SVEP1: variants seen among roughly 807,000 people sequenced by gnomAD.
The protein encoded by SVEP1 is sushi, von Willebrand factor type A, EGF and pentraxin domain containing 1.
SVEP1 carries 164 observed loss-of-function variants against 367.3 expected under a neutral mutation model. That is an observed-to-expected ratio of 0.45 (90% confidence interval 0.39 to 0.51). SVEP1 has a LOEUF of 0.51. SVEP1 is among the 20% of genes least tolerant of loss of function. The probability of loss-of-function intolerance (pLI) is 0.00; values close to 1 mark genes in which losing one functional copy is unlikely to be tolerated. For synonymous variants in SVEP1, 1,666 were observed against 1,611.6 expected (o/e 1.03, Z -0.81); for missense variants, 4,117 against 4,425.3 (o/e 0.93, Z 1.98).
intron 38 of SVEP1, 60 bp from the exon 39 acceptor site, chr9:110,404,612 T>C: frequency 6.6e-7 from 1 of 1,505,668 alleles, no homozygotes; most frequent in South Asian, 1.1e-5. Context: ...TTCTGATCTA[T>C]CCTTGGATTT....
intron 9 of SVEP1, 148 bp downstream of exon 9, chr9:110,489,502 A>G (rs1426241778): frequency 1.6e-6 from 1 of 641,406 alleles, no homozygotes; most frequent in Non-Finnish European, 2.5e-6. Context: ...TCTGAGACTT[A>G]TTCACTATCA....
rs187282927 is a variant in SVEP1 at position 110,410,820 on chromosome 9, T to C, written c.6648+243A>G. Among the ~76,000 whole-genome samples, 4 of 152,362 alleles carry C rather than the reference T, an allele frequency of 2.6e-5. 1 individual carries two copies. The highest frequency in any genetic ancestry group is 9.6e-5 in the African/African-American group (4 of 41,582). ...TGAAAGCCACAGAGCATTTGCTAAT[T>C]AGTCTCTTACCTCCAGAAAGTGATT... On this transcript the variant is annotated intron_variant, in intron 37 of 47. Coordinates refer to ENST00000374469, the MANE Select transcript of SVEP1 (RefSeq NM_153366.4).
intron 6 of SVEP1, among the ~76,000 whole-genome samples, chr9:110,500,121 T>G (rs1829510313): frequency 6.6e-6 from 1 of 152,182 alleles, no homozygotes; most frequent in African/African-American, 2.4e-5. Flanking sequence ...TACTAAACAC[T>G]CCACTATCAT....
chr9:110,448,422 A>G (rs1406166274), intron 24 of SVEP1, among the ~76,000 whole-genome samples: 1 of 152,244 alleles, frequency 6.6e-6, no homozygotes, highest in African/African-American at 2.4e-5. Context: ...CCTCTTTGAT[A>G]TTGACCTAAC....
chr9:110,501,991 C>T (rs373225962), intron 6 of SVEP1, among the ~76,000 whole-genome samples: 1 of 151,834 alleles, frequency 6.6e-6, no homozygotes, highest in East Asian at 1.9e-4. Flanking sequence ...AATTTTCTAT[C>T]TTTTTTGGTA....
At chr9:110,395,002 C>G (rs1487510929) in intron 40 of SVEP1, among the ~76,000 whole-genome samples, 3 of 152,112 alleles carry the variant, frequency 2.0e-5, no homozygotes, top group Non-Finnish European at 4.4e-5. Flanking sequence ...ATACAGAGAC[C>G]ACCACAAAGA....
At chr9:110,400,370 C>CTT (rs112666557) in intron 40 of SVEP1, among the ~76,000 whole-genome samples, 33 of 147,074 alleles carry the variant, frequency 2.2e-4, no homozygotes, top group African/African-American at 4.2e-4. Flanking sequence ...ACTTATTTTG[C>CTT]TTTTTTTTTT....
intron 7 of SVEP1, among the ~76,000 whole-genome samples, chr9:110,498,075 T>A (rs541194046): frequency 9.2e-5 from 14 of 152,348 alleles, no homozygotes; most frequent in African/African-American, 2.9e-4. Context: ...CCTGTACACA[T>A]TGCTACATTT....
At chr9:110,518,478 A>G (rs995694959) in intron 3 of SVEP1, among the ~76,000 whole-genome samples, 18 of 151,984 alleles carry the variant, frequency 1.2e-4, no homozygotes, top group Admixed American at 3.3e-4. Flanking sequence ...CTCAAATCAT[A>G]TATTTTGTTT....
intron 26 of SVEP1, 47 bp from the exon 27 acceptor site, chr9:110,443,767 G>A (rs768141731): frequency 2.7e-6 from 4 of 1,464,402 alleles, no homozygotes; most frequent in South Asian, 3.0e-5. Context: ...GCCATATGTT[G>A]CAATCCTTAC....
At chr9:110,479,143 C>T (rs1314858797) in intron 13 of SVEP1, among the ~76,000 whole-genome samples, 1 of 152,120 alleles carries the variant, frequency 6.6e-6, no homozygotes, top group Non-Finnish European at 1.5e-5. Flanking sequence ...TGGTCTCGAA[C>T]TCCTGATCTC....
intron 37 of SVEP1, 138 bp from the exon 38 acceptor site, chr9:110,409,089 G>T: frequency 2.0e-6 from 2 of 1,006,550 alleles, no homozygotes; most frequent in Non-Finnish European, 2.8e-6. Context: ...AATGATTTAT[G>T]GTTTTTCCAA....
chr9:110,385,848 G>GTTGTTTT (rs1827512759), intron 43 of SVEP1, 50 bp downstream of exon 43: 1 of 1,570,250 alleles, frequency 6.4e-7, no homozygotes, highest in African/African-American at 1.4e-5. Context: ...ACAGGGATGG[G>GTTGTTTT]AAAACATTTC....
intron 22 of SVEP1, among the ~76,000 whole-genome samples, chr9:110,452,028 A>G (rs553150788): frequency 7.9e-5 from 12 of 152,366 alleles, no homozygotes; most frequent in Non-Finnish European, 1.5e-4. Flanking sequence ...GAAAAGACGT[A>G]CAAAGACTCG....
intron 18 of SVEP1, 53 bp from the exon 19 acceptor site, chr9:110,459,166 T>G (rs367974869): frequency 6.5e-7 from 1 of 1,542,056 alleles, no homozygotes; most frequent in East Asian, 2.3e-5. Flanking sequence ...CACCCTACAT[T>G]TGAAAGAAGT....
At position 110,400,939 on chromosome 9, in the gene SVEP1, C is replaced by T. The variant is rs537865641; in HGVS notation, c.9737G>A (p.Ser3246Asn). Residue 3246 changes from serine (S) to asparagine (N), a missense_variant, in exon 40 of 48, where the codon AGT becomes AAT. By Grantham distance (46) the Ser-to-Asn change is conservative. This residue lies in a region of SVEP1 where 1,765 missense variants were observed against 1,781.1 expected (regional missense o/e 0.99). Transcript: ENST00000374469. Reference sequence around the variant, plus strand: ...GCCAACCACAAATCCATGTTCTGGACTTTCAGGTTTCCCACAAGAAACTGG... The same window carrying T: ...GCCAACCACAAATCCATGTTCTGGATTTTCAGGTTTCCCACAAGAAACTGG... ...CSPVSCGKPE[S>N]PEHGFVVGSK... 6.2e-7 allele frequency: 1 copy of T among 1,613,922 alleles called. No homozygotes were observed. The highest frequency in any genetic ancestry group is 1.1e-5 in the South Asian group (1 of 91,082).
chr9:110,512,942 T>C lies in SVEP1; in HGVS notation c.1287A>G (p.Ser429=). ...TTTGCATACCTCTGCAGTAGCTCTC[T>C]GAACCGGACCACAAACCATTGGGTA... ...LCLPNGLWSG[S]ESYCRVRTCP... Residue 429 remains serine (S), a synonymous_variant, in exon 5 of 48, where the codon TCA becomes TCG. Coordinates refer to ENST00000374469, the MANE Select transcript of SVEP1 (RefSeq NM_153366.4). 1 of 1,614,014 alleles carries C rather than the reference T, an allele frequency of 6.2e-7. No individual in the cohort carries two copies. The highest frequency in any genetic ancestry group is 8.5e-7 in the Non-Finnish European group (1 of 1,179,890).
At position 110,407,115 on chromosome 9, in the gene SVEP1, T is replaced by C. The variant is rs1331520973; in HGVS notation, c.8485A>G (p.Ile2829Val). The C allele has an allele frequency of 3.7e-6, 6 of 1,613,874 alleles. No individual in the cohort carries two copies. The highest frequency in any genetic ancestry group is 1.7e-5 in the Admixed American group (1 of 60,006). The change falls in exon 38 of 48, where the codon ATT becomes GTT. Residue 2829 changes from isoleucine (I) to valine (V), a missense_variant. Ile to Val is a conservative substitution (Grantham distance 29). This residue lies in a region of SVEP1 where 1,765 missense variants were observed against 1,781.1 expected (regional missense o/e 0.99). Coordinates refer to ENST00000374469, the MANE Select transcript of SVEP1 (RefSeq NM_153366.4). ...GGGGGTGAACTGCAGTCCACAGGAA[T>C]GCAAATGGGCTCATCCTCATCCCAG... is the stretch of plus-strand genomic sequence containing the variant. ...KNWDEDEPIC[I>V]PVDCSSPPVS...
At chr9:110,548,526 T>C (rs1181525915) in intron 2 of SVEP1, among the ~76,000 whole-genome samples, 1 of 151,980 alleles carries the variant, frequency 6.6e-6, no homozygotes, top group Non-Finnish European at 1.5e-5. Context: ...CTAAGGAATA[T>C]AAAAGATGAA....
Sources: gnomAD v4.1 joint callset for allele counts (sites outside exome capture counted in the v4.1 genomes callset) on GRCh38, gnomAD v4.1.1 for gene constraint, gnomAD v4.1.1 regional missense constraint, MANE v1.5 for transcripts, NCBI Gene and HGNC (gene_info 2026-07-23, HGNC 2026-07-21) for gene names.